The following TP63 variants were observed in gnomAD, a reference collection of about 807,000 sequenced individuals.
TP63 encodes the protein tumor protein 63.
In TP63, 17 loss-of-function variants were observed where a neutral mutation model predicts 82.8. That is an observed-to-expected ratio of 0.21 (90% CI 0.14 to 0.31). The LOEUF is 0.31. TP63 is among the 10% of genes least tolerant of loss of function. The pLI, the probability that TP63 is intolerant of heterozygous loss-of-function variation, is 1.00. For missense variants in TP63, 648 were observed against 895.3 expected, an observed-to-expected ratio of 0.72 and a Z score of 3.52; for synonymous variants, 330 against 321.7, an observed-to-expected ratio of 1.03 and a Z score of -0.28.
intron 1 of TP63, among the ~76,000 whole-genome samples, chr3:189,704,705 G>A (rs1560122531): frequency 2.6e-5 from 4 of 152,288 alleles, no homozygotes; most frequent in East Asian, 1.9e-4. Context: ...AATATTCCTC[G>A]ACAGAATAGG....
chr3:189,695,321 A>G (rs1717291959), intron 1 of TP63, among the ~76,000 whole-genome samples: 1 of 151,990 alleles, frequency 6.6e-6, no homozygotes, highest in Non-Finnish European at 1.5e-5. Flanking sequence ...TCCCTTTGAT[A>G]TACTCATATT....
chr3:189,780,370 A>T (rs1342797564), intron 3 of TP63, among the ~76,000 whole-genome samples: 1 of 152,210 alleles, frequency 6.6e-6, no homozygotes, highest in East Asian at 1.9e-4. Context: ...CTCAAGTTAG[A>T]TCATCCTAGA....
chr3:189,652,219 A>AG lies in TP63; in HGVS notation c.62+20648dup, dbSNP rs561453764. Among the ~76,000 whole-genome samples, 28 of 146,964 alleles carry AG rather than the reference A, an allele frequency of 1.9e-4. 6 individuals are homozygous for AG. In the East Asian group the frequency reaches 5.8e-3, roughly 30 times the overall value. Reference sequence around the variant, plus strand: ...AACCCCAACCATGAAGGCAGCCAGGAGGGGGGCTGTACCCTGCAAAGCCAC... The same window carrying AG: ...AACCCCAACCATGAAGGCAGCCAGGAGGGGGGGCTGTACCCTGCAAAGCCAC... On this transcript the variant is annotated intron_variant, in intron 1 of 13. Coordinates refer to ENST00000264731, the MANE Select transcript of TP63 (RefSeq NM_003722.5).
intron 4 of TP63, among the ~76,000 whole-genome samples, chr3:189,855,891 GA>G (rs1716230916): frequency 6.6e-6 from 1 of 151,972 alleles, no homozygotes; most frequent in Non-Finnish European, 1.5e-5. Flanking sequence ...GGGAGACGTT[GA>G]CAAAAGTTTT....
At chr3:189,737,114 C>G (rs1720651317) in intron 1 of TP63, among the ~76,000 whole-genome samples, 1 of 152,112 alleles carries the variant, frequency 6.6e-6, no homozygotes, top group Non-Finnish European at 1.5e-5. Context: ...TTAAGTCTAA[C>G]ATGCAATTCT....
chr3:189,717,150 C>G (rs964497384), intron 1 of TP63, among the ~76,000 whole-genome samples: 1 of 152,082 alleles, frequency 6.6e-6, no homozygotes, highest in South Asian at 2.1e-4. Flanking sequence ...ACTGAAATAT[C>G]AACATACACG....
chr3:189,866,426 T>A (rs1283499321), intron 5 of TP63, among the ~76,000 whole-genome samples: 1 of 152,192 alleles, frequency 6.6e-6, no homozygotes, highest in East Asian at 1.9e-4. Context: ...GAATCATTAA[T>A]CTTAAACTCC....
intron 10 of TP63, among the ~76,000 whole-genome samples, chr3:189,877,063 G>C (rs1719312020): frequency 6.6e-6 from 1 of 152,078 alleles, no homozygotes; most frequent in South Asian, 2.1e-4. Flanking sequence ...CTTTTCATTT[G>C]TGCATGGTTT....
intron 1 of TP63, among the ~76,000 whole-genome samples, chr3:189,660,931 A>G (rs1158637463): frequency 6.6e-6 from 1 of 152,094 alleles, no homozygotes; most frequent in African/African-American, 2.4e-5. Context: ...TTTATTTTGT[A>G]TCCTGAAACT....
At chr3:189,789,943 T>C (rs1724966928) in intron 3 of TP63, 3 of 1,182,562 alleles carry the variant, frequency 2.5e-6, no homozygotes, top group Admixed American at 3.5e-5. Context: ...CCCAATGTAA[T>C]GTTTTGCAAA....
intron 4 of TP63, among the ~76,000 whole-genome samples, chr3:189,834,863 A>T (rs7621997): frequency 6.7e-6 from 1 of 149,670 alleles, no homozygotes; most frequent in Admixed American, 6.6e-5. Context: ...AACATAATAG[A>T]TGTTGATTTC....
chr3:189,636,047 TA>T (rs1729756050), intron 1 of TP63, among the ~76,000 whole-genome samples: 1 of 152,164 alleles, frequency 6.6e-6, no homozygotes, highest in South Asian at 2.1e-4. Context: ...CACAGTTGTT[TA>T]TACACACTTT....
At chr3:189,801,799 C>T (rs1726334152) in intron 3 of TP63, among the ~76,000 whole-genome samples, 1 of 152,190 alleles carries the variant, frequency 6.6e-6, no homozygotes, top group Non-Finnish European at 1.5e-5. Context: ...TCTCTGCTTA[C>T]AGTCTTGATA....
intron 1 of TP63, among the ~76,000 whole-genome samples, chr3:189,708,352 T>G (rs1216732672): frequency 6.6e-6 from 1 of 152,330 alleles, no homozygotes; most frequent in East Asian, 1.9e-4. Context: ...ACAATCTATC[T>G]TTGTTTTCTC....
chr3:189,698,538 A>G (rs1473422124), intron 1 of TP63, among the ~76,000 whole-genome samples: 1 of 152,132 alleles, frequency 6.6e-6, no homozygotes, highest in Non-Finnish European at 1.5e-5. Flanking sequence ...TTAACTGTCC[A>G]GCTTTACATT....
chr3:189,721,574 GA>G (rs1418349965), intron 1 of TP63, among the ~76,000 whole-genome samples: 2 of 152,118 alleles, frequency 1.3e-5, no homozygotes, highest in Admixed American at 6.6e-5. Context: ...TGGGCGGCAG[GA>G]AAGTATAATG....
intron 3 of TP63, among the ~76,000 whole-genome samples, chr3:189,758,232 C>T (rs539138171): frequency 8.5e-4 from 130 of 152,216 alleles, no homozygotes; most frequent in Non-Finnish European, 1.5e-3. Context: ...CTATGAGGAT[C>T]TAATGCCCCC....
At chr3:189,821,842 G>A (rs1260605304) in intron 4 of TP63, among the ~76,000 whole-genome samples, 1 of 152,136 alleles carries the variant, frequency 6.6e-6, no homozygotes, top group Non-Finnish European at 1.5e-5. Flanking sequence ...ATCGTATAAA[G>A]CATATGATAC....
At chr3:189,734,166 C>T (rs13434205) in intron 1 of TP63, among the ~76,000 whole-genome samples, 74,831 of 117,700 alleles carry the variant, frequency 0.64, 24,081 homozygotes, top group Middle Eastern at 0.71. Flanking sequence ...CTCCCTCCCT[C>T]CCTTCTTTTT....
Sources: allele counts gnomAD v4.1 joint callset (sites outside exome capture counted in the v4.1 genomes callset), GRCh38; gene constraint gnomAD v4.1.1; transcripts MANE v1.5; gene names NCBI Gene and HGNC (gene_info 2026-07-23, HGNC 2026-07-21).